TEX11: variants seen among roughly 807,000 people sequenced by gnomAD.
TEX11 encodes the protein testis expressed 11, also known as testis-expressed protein 11.
TEX11 carries 7 observed loss-of-function variants against 84.4 expected under a neutral mutation model. The observed-to-expected ratio is 0.08, with a 90% CI of 0.05 to 0.16. TEX11 has a LOEUF of 0.16. Ranked by LOEUF, TEX11 falls within the 10% of genes least tolerant of loss-of-function variation. The pLI, the probability that TEX11 is intolerant of heterozygous loss-of-function variation, is 1.00. For synonymous variants in TEX11, 264 were observed against 222.8 expected, an observed-to-expected ratio of 1.18 and a Z score of -1.64; for missense variants, 551 against 660.5, an observed-to-expected ratio of 0.83 and a Z score of 1.82.
intron 13 of TEX11, among the ~76,000 whole-genome samples, chrX:70,720,460 T>C (rs1198335829): frequency 1.8e-5 from 2 of 109,589 alleles, no homozygotes; most frequent in Non-Finnish European, 3.8e-5. Flanking sequence ...ATGGCACATG[T>C]ATACATAAGT....
At chrX:70,572,243 T>A (rs756382368) in intron 25 of TEX11, among the ~76,000 whole-genome samples, 1 of 109,418 alleles carries the variant, frequency 9.1e-6, no homozygotes, top group Non-Finnish European at 1.9e-5. Context: ...AAAAAACACA[T>A]GAAAAAATGC....
At chrX:70,662,916 G>C (rs1603204899) in intron 16 of TEX11, among the ~76,000 whole-genome samples, 1 of 111,533 alleles carries the variant, frequency 9.0e-6, no homozygotes, top group Non-Finnish European at 1.9e-5. Flanking sequence ...TCTATATCTA[G>C]ACCATGGTAG....
chrX:70,717,190 G>T (rs185243905), intron 13 of TEX11, among the ~76,000 whole-genome samples: 1 of 109,450 alleles, frequency 9.1e-6, no homozygotes, highest in Non-Finnish European at 1.9e-5. Context: ...AAAAAAGATC[G>T]CTTAAGAGAC....
intron 25 of TEX11, among the ~76,000 whole-genome samples, chrX:70,579,063 T>G (rs964603551): frequency 9.0e-6 from 1 of 110,520 alleles, no homozygotes; most frequent in Non-Finnish European, 1.9e-5. Flanking sequence ...AGCCAGAAGT[T>G]GAACTTTTAA....
At chrX:70,725,734 G>C (rs925234641) in intron 11 of TEX11, among the ~76,000 whole-genome samples, 1 of 112,052 alleles carries the variant, frequency 8.9e-6, no homozygotes, top group Non-Finnish European at 1.9e-5. Flanking sequence ...AAAATGTATT[G>C]TCTTTTCCAT....
intron 28 of TEX11, among the ~76,000 whole-genome samples, chrX:70,539,040 T>TA (rs1447496117): frequency 0.012 from 111 of 9,578 alleles, 4 homozygotes; most frequent in African/African-American, 0.028. Flanking sequence ...ATATATATAT[T>TA]TTTTTTTTTT....
intron 25 of TEX11, among the ~76,000 whole-genome samples, chrX:70,567,820 T>G (rs1171425925): frequency 6.3e-5 from 7 of 111,567 alleles, no homozygotes; most frequent in Non-Finnish European, 1.3e-4. Context: ...GAGCTTTACT[T>G]CCAAGTATGT....
intron 11 of TEX11, among the ~76,000 whole-genome samples, chrX:70,728,000 T>G (rs2090612704): frequency 8.9e-6 from 1 of 112,842 alleles, no homozygotes; most frequent in African/African-American, 3.2e-5. Context: ...GAACTTCACT[T>G]AAACAGAATC....
chrX:70,860,778 T>C (rs1046532253), intron 5 of TEX11, 79 bp downstream of exon 5: 19 of 690,268 alleles, frequency 2.8e-5, no homozygotes, highest in Non-Finnish European at 4.2e-5. Flanking sequence ...CCCCTTCCAG[T>C]TTCACACTAA....
At chrX:70,800,177 T>C (rs2091178539) in intron 9 of TEX11, among the ~76,000 whole-genome samples, 1 of 111,200 alleles carries the variant, frequency 9.0e-6, no homozygotes, top group South Asian at 3.8e-4. Flanking sequence ...CACTTGTAAG[T>C]GGGAGCTAAA....
chrX:70,717,521 G>A (rs1436561113), intron 13 of TEX11, among the ~76,000 whole-genome samples: 2 of 111,351 alleles, frequency 1.8e-5, no homozygotes, highest in African/African-American at 6.5e-5. Flanking sequence ...GGTTTGCCAT[G>A]TTGACCAGGC....
intron 17 of TEX11, among the ~76,000 whole-genome samples, chrX:70,641,114 A>T (rs762649145): frequency 1.8e-5 from 2 of 111,296 alleles, no homozygotes; most frequent in Non-Finnish European, 3.8e-5. Flanking sequence ...CAGGGGTTGC[A>T]ATCCTATTCT....
chrX:70,614,120 T>C (rs911442447), intron 20 of TEX11, among the ~76,000 whole-genome samples: 6 of 111,400 alleles, frequency 5.4e-5, no homozygotes, highest in Non-Finnish European at 9.4e-5. Context: ...TTCCCAGCTA[T>C]GGCAGCTATG....
the TEX11 span, among the ~76,000 whole-genome samples, chrX:70,519,273 G>T: frequency 5.4e-5 from 6 of 111,748 alleles, no homozygotes; most frequent in African/African-American, 2.0e-4. Context: ...TCCATGTTTA[G>T]TGCTTCCTTC....
intron 13 of TEX11, among the ~76,000 whole-genome samples, chrX:70,704,827 T>C (rs1461747489): frequency 1.8e-5 from 2 of 111,206 alleles, no homozygotes; most frequent in Non-Finnish European, 3.8e-5. Context: ...CTAGGAAATG[T>C]TTAAAAAAAA....
intron 8 of TEX11, among the ~76,000 whole-genome samples, chrX:70,818,927 T>C (rs1005149698): frequency 3.6e-5 from 4 of 110,550 alleles, no homozygotes; most frequent in African/African-American, 1.3e-4. Context: ...CAATAACAAA[T>C]AAAGAGATTG....
At chrX:70,842,327 A>C (rs1451180637) in intron 7 of TEX11, among the ~76,000 whole-genome samples, 1 of 111,507 alleles carries the variant, frequency 9.0e-6, no homozygotes, top group Admixed American at 9.6e-5. Flanking sequence ...CTGATTCAAC[A>C]TACGCAAATC....
intron 16 of TEX11, among the ~76,000 whole-genome samples, chrX:70,654,293 ACT>A (rs751276536): frequency 2.7e-5 from 3 of 110,951 alleles, no homozygotes; most frequent in Admixed American, 1.9e-4. Flanking sequence ...GTATATGAAA[ACT>A]CTCTATATTT....
intron 15 of TEX11, 67 bp from the exon 16 acceptor site, chrX:70,670,581 T>C (rs958668114): frequency 9.1e-7 from 1 of 1,095,691 alleles, no homozygotes; most frequent in Non-Finnish European, 1.2e-6. Context: ...AAGTCACCTC[T>C]AGAAACAAAT....
Sources: allele counts gnomAD v4.1 joint callset (sites outside exome capture counted in the v4.1 genomes callset), GRCh38; gene constraint gnomAD v4.1.1; transcripts MANE v1.5; gene names NCBI Gene and HGNC (gene_info 2026-07-23, HGNC 2026-07-21).